KLHL1: variants seen among roughly 807,000 people sequenced by gnomAD.
The protein encoded by KLHL1 is kelch like family member 1, also known as kelch-like protein 1.
In KLHL1, 47 loss-of-function variants were observed where a neutral mutation model predicts 77.7. The observed-to-expected ratio is 0.60, with a 90% CI of 0.48 to 0.77. KLHL1 has a LOEUF of 0.77. Ranked by LOEUF, KLHL1 falls within the 30% of genes least tolerant of loss-of-function variation. KLHL1 has a pLI of 0.00. For synonymous variants in KLHL1, 360 were observed against 325.2 expected, an observed-to-expected ratio of 1.11 and a Z score of -1.15; for missense variants, 925 against 910.8, an observed-to-expected ratio of 1.02 and a Z score of -0.20.
chr13:69,725,465 T>C (rs1566184976), intron 8 of KLHL1, among the ~76,000 whole-genome samples: 1 of 152,120 alleles, frequency 6.6e-6, no homozygotes, highest in African/African-American at 2.4e-5. Flanking sequence ...ACCAGACACA[T>C]GGTTATACCT....
intron 1 of KLHL1, 29 bp downstream of exon 1, chr13:70,107,174 C>T: frequency 6.4e-7 from 1 of 1,550,636 alleles, no homozygotes; most frequent in South Asian, 1.2e-5. Flanking sequence ...TTGAGAGATG[C>T]TTGGAAGCCC....
intron 5 of KLHL1, among the ~76,000 whole-genome samples, chr13:69,852,974 T>A (rs1879753542): frequency 6.6e-6 from 1 of 152,026 alleles, no homozygotes; most frequent in Non-Finnish European, 1.5e-5. Context: ...AATTTATTGG[T>A]TCCTAACTTA....
intron 8 of KLHL1, 53 bp from the exon 9 acceptor site, chr13:69,719,634 A>G (rs1593770989): frequency 2.8e-6 from 4 of 1,418,228 alleles, no homozygotes; most frequent in Non-Finnish European, 3.9e-6. Flanking sequence ...GGATGACAAA[A>G]TATAGAAAAG....
chr13:69,718,455 A>T (rs113320423), intron 9 of KLHL1, among the ~76,000 whole-genome samples: 3,294 of 152,070 alleles, frequency 0.022, 121 homozygotes, highest in African/African-American at 0.076. Flanking sequence ...TATCATGGAT[A>T]TGTAGCATGA....
chr13:69,911,381 T>G (rs779938465), intron 4 of KLHL1, among the ~76,000 whole-genome samples: 7 of 152,034 alleles, frequency 4.6e-5, no homozygotes, highest in Non-Finnish European at 1.0e-4. Flanking sequence ...TATCAAAAAT[T>G]TTGACCCTCT....
At chr13:70,088,515 A>G (rs781271145) in intron 1 of KLHL1, among the ~76,000 whole-genome samples, 5 of 152,138 alleles carry the variant, frequency 3.3e-5, no homozygotes, top group Non-Finnish European at 7.4e-5. Context: ...CTTCAACTCT[A>G]TAAAATAAAC....
intron 1 of KLHL1, among the ~76,000 whole-genome samples, chr13:69,983,868 G>A (rs1593649727): frequency 1.3e-5 from 2 of 151,398 alleles, no homozygotes; most frequent in Middle Eastern, 3.4e-3. Context: ...GAACAGACTA[G>A]AGAACCAATA....
Position 69,933,094 on chromosome 13 carries a change from C to T in KLHL1, c.1014+6946G>A, listed in dbSNP as rs991771141. 6.6e-5 allele frequency among the ~76,000 whole-genome samples: 10 copies of T among 152,086 alleles called. No homozygotes were observed. In the East Asian group the frequency reaches 1.4e-3, roughly 21 times the overall value. On this transcript the variant is annotated intron_variant, in intron 4 of 10. Transcript: ENST00000377844. Reference sequence around the variant, plus strand: ...ACATCACTAGTCATTGTCCCTTAAACGTTCATTATACTCACCCTGACCTTT... The same window carrying T: ...ACATCACTAGTCATTGTCCCTTAAATGTTCATTATACTCACCCTGACCTTT...
chr13:70,014,904 A>G (rs1043095710), intron 1 of KLHL1, among the ~76,000 whole-genome samples: 4 of 152,154 alleles, frequency 2.6e-5, no homozygotes, highest in African/African-American at 9.6e-5. Context: ...TTGCTGTTGC[A>G]CACTATGTTA....
At chr13:69,956,455 GA>G (rs1228626339) in intron 3 of KLHL1, among the ~76,000 whole-genome samples, 2 of 151,282 alleles carry the variant, frequency 1.3e-5, no homozygotes, top group Non-Finnish European at 3.0e-5. Flanking sequence ...ATTAGATGGG[GA>G]GAAACTATGA....
intron 7 of KLHL1, among the ~76,000 whole-genome samples, chr13:69,747,450 T>A (rs1215870596): frequency 4.6e-5 from 7 of 152,050 alleles, no homozygotes; most frequent in African/African-American, 1.7e-4. Flanking sequence ...AATTATCTCA[T>A]GGTATTATGA....
intron 7 of KLHL1, among the ~76,000 whole-genome samples, chr13:69,795,074 GAAT>G (rs1469463607): frequency 6.6e-6 from 1 of 152,106 alleles, no homozygotes; most frequent in Non-Finnish European, 1.5e-5. Flanking sequence ...GATCATAAAG[GAAT>G]AAGACTGATT....
At chr13:70,033,775 A>C (rs1358150019) in intron 1 of KLHL1, among the ~76,000 whole-genome samples, 2 of 151,370 alleles carry the variant, frequency 1.3e-5, no homozygotes, top group Non-Finnish European at 2.9e-5. Context: ...ACGCACCACC[A>C]CAGCCGGCTA....
In KLHL1 at chr13:70,042,169, A is replaced by C. The variant is rs566838597; in HGVS notation, c.497+65034T>G. 3.5e-4 allele frequency among the ~76,000 whole-genome samples: 54 copies of C among 152,272 alleles called. 1 individual carries two copies. In the South Asian group the frequency reaches 0.011, roughly 31 times the overall value. ...ATATATAAGGAAAAAAATGAAACCAACAGAAAGTACCACCGTGTCATTGCT... is the reference window on the plus strand; with the variant it reads ...ATATATAAGGAAAAAAATGAAACCACCAGAAAGTACCACCGTGTCATTGCT... On this transcript the variant is annotated intron_variant, in intron 1 of 10. Coordinates refer to ENST00000377844, the MANE Select transcript of KLHL1 (RefSeq NM_020866.3).
intron 5 of KLHL1, among the ~76,000 whole-genome samples, chr13:69,854,306 G>T (rs913849924): frequency 6.6e-6 from 1 of 152,010 alleles, no homozygotes; most frequent in Admixed American, 6.6e-5. Context: ...ATGAAGGGGG[G>T]CCAGTGTGTG....
At chr13:69,760,758 G>A (rs539923323) in intron 7 of KLHL1, among the ~76,000 whole-genome samples, 2 of 152,258 alleles carry the variant, frequency 1.3e-5, no homozygotes, top group South Asian at 2.1e-4. Flanking sequence ...ATTTTTAGAT[G>A]TTTCTGCACA....
intron 1 of KLHL1, among the ~76,000 whole-genome samples, chr13:70,096,311 C>G (rs545900604): frequency 6.6e-6 from 1 of 152,156 alleles, no homozygotes; most frequent in East Asian, 1.9e-4. Context: ...TTCCCACAAA[C>G]AGCATATGAG....
chr13:70,024,661 G>A (rs375025376), intron 1 of KLHL1, among the ~76,000 whole-genome samples: 3 of 74,718 alleles, frequency 4.0e-5, no homozygotes, highest in Non-Finnish European at 1.0e-4. Flanking sequence ...TCTCTCTCTC[G>A]CTCTGGCTCT....
intron 7 of KLHL1, among the ~76,000 whole-genome samples, chr13:69,754,420 C>A (rs1874619014): frequency 6.6e-6 from 1 of 151,952 alleles, no homozygotes; most frequent in East Asian, 1.9e-4. Flanking sequence ...TACAAATATC[C>A]GAACTTACCA....
Sources: allele counts gnomAD v4.1 joint callset (sites outside exome capture counted in the v4.1 genomes callset), GRCh38; gene constraint gnomAD v4.1.1; transcripts MANE v1.5; gene names NCBI Gene and HGNC (gene_info 2026-07-23, HGNC 2026-07-21).